The following IGF1R variants were observed in gnomAD, a reference collection of about 807,000 sequenced individuals.
The protein encoded by IGF1R is insulin like growth factor 1 receptor.
Under a neutral mutation model 144.6 loss-of-function variants are expected in IGF1R, and 44 were observed. The observed-to-expected ratio is 0.30, with a 90% CI of 0.24 to 0.39. The LOEUF is 0.39. IGF1R is among the 10% of genes least tolerant of loss of function. IGF1R has a pLI of 1.00. For missense variants in IGF1R, 1,355 were observed against 1,833.7 expected (o/e 0.74, Z 4.77); for synonymous variants, 795 against 722.8 (o/e 1.10, Z -1.60).
chr15:98,860,717 G>GT, intron 2 of IGF1R, among the ~76,000 whole-genome samples: 1 of 152,152 alleles, frequency 6.6e-6, no homozygotes, highest in East Asian at 1.9e-4. Flanking sequence ...TTATGGTTTG[G>GT]TTTTACCATT....
intron 2 of IGF1R, among the ~76,000 whole-genome samples, chr15:98,841,007 G>T (rs936531469): frequency 6.6e-6 from 1 of 151,996 alleles, no homozygotes; most frequent in Non-Finnish European, 1.5e-5. Flanking sequence ...ACTTCCTTTC[G>T]CTTGTAGCCT....
At chr15:98,673,013 T>A (rs8025495) in intron 1 of IGF1R, among the ~76,000 whole-genome samples, 2,579 of 152,172 alleles carry the variant, frequency 0.017, 66 homozygotes, top group African/African-American at 0.057. Flanking sequence ...TACTTTTTTT[T>A]AAAAAAATGA....
intron 2 of IGF1R, among the ~76,000 whole-genome samples, chr15:98,837,449 C>T (rs778986754): frequency 6.6e-6 from 1 of 152,138 alleles, no homozygotes; most frequent in Non-Finnish European, 1.5e-5. Context: ...ACATGTTGGC[C>T]AGGTTGGTCT....
chr15:98,809,787 C>T (rs187953422), intron 2 of IGF1R, among the ~76,000 whole-genome samples: 48 of 152,242 alleles, frequency 3.2e-4, no homozygotes, highest in Admixed American at 1.6e-3. Context: ...GACACAGCTG[C>T]TTTGGAGGAA....
chr15:98,865,940 C>T (rs970923522), intron 2 of IGF1R, among the ~76,000 whole-genome samples: 1 of 152,194 alleles, frequency 6.6e-6, no homozygotes, highest in Non-Finnish European at 1.5e-5. Context: ...GCTCCCACCT[C>T]CCGCTCTGGG....
chr15:98,798,955 A>G (rs993821215), intron 2 of IGF1R, among the ~76,000 whole-genome samples: 8 of 152,186 alleles, frequency 5.3e-5, no homozygotes, highest in Admixed American at 5.2e-4. Context: ...AAACTGAGGC[A>G]CAGAGAGGTT....
rs1167503156 is a variant in IGF1R, at chr15:98,788,052, C to CTGTGTGTGTGTG, written c.640+79946_640+79947insGTGTGTGTGTGT. ...GGTAGGGATCTCTCTCTCTCTCTCT[C>CTGTGTGTGTGTG]TCTCTCTCTCTGTGTGTGTGTGTGT... On this transcript the variant is annotated intron_variant, in intron 2 of 20. Coordinates refer to ENST00000650285, the MANE Select transcript of IGF1R (RefSeq NM_000875.5). Among the ~76,000 whole-genome samples, 481 of 139,540 alleles carry CTGTGTGTGTGTG rather than the reference C, an allele frequency of 3.4e-3. 5 individuals carry two copies. Among genetic ancestry groups the CTGTGTGTGTGTG allele is most frequent in the African/African-American group, 0.012 (428 of 35,190 alleles). The allele number at this position is 139,540 out of a possible 152,430, so 91.5% of individuals were successfully genotyped here. A position where few individuals can be genotyped will look rare whatever the true frequency, so the allele number is the denominator to read the frequency against.
chr15:98,649,174 C>T lies in IGF1R; in HGVS notation c.-408C>T, dbSNP rs1049015651. ...CGCGGCGGAAGCTCGGGCGTCCGGCCGCCTCCCGCGCGGCCAGGGCCGGGC... is the reference window on the plus strand; with the variant it reads ...CGCGGCGGAAGCTCGGGCGTCCGGCTGCCTCCCGCGCGGCCAGGGCCGGGC... On this transcript the variant is annotated 5_prime_UTR_variant, in exon 1 of 21. Transcript: ENST00000650285. 4.6e-6 allele frequency: 1 copy of T among 219,584 alleles called. No homozygotes were observed. Among genetic ancestry groups the T allele is most frequent in the Non-Finnish European group, 9.1e-6 (1 of 109,470 alleles). 13.6% of individuals were successfully genotyped at this position (219,584 alleles called of 1,614,324 possible).
chr15:98,930,911 T>C (rs1266607481), intron 15 of IGF1R, among the ~76,000 whole-genome samples: 1 of 152,214 alleles, frequency 6.6e-6, no homozygotes, highest in African/African-American at 2.4e-5. Flanking sequence ...TTTTGCTCTT[T>C]CTAGCATTTT....
At chr15:98,811,633 A>G (rs1213354265) in intron 2 of IGF1R, among the ~76,000 whole-genome samples, 1 of 152,012 alleles carries the variant, frequency 6.6e-6, no homozygotes, top group African/African-American at 2.4e-5. Context: ...CATAAGAAAT[A>G]AGTCAACTAT....
chr15:98,812,030 CTTT>C (rs2056601973), intron 2 of IGF1R, among the ~76,000 whole-genome samples: 1 of 152,184 alleles, frequency 6.6e-6, no homozygotes, highest in African/African-American at 2.4e-5. Context: ...ATTTCTAGTT[CTTT>C]TACTTGTTCT....
At chr15:98,745,301 T>C (rs2054837120) in intron 2 of IGF1R, among the ~76,000 whole-genome samples, 1 of 152,264 alleles carries the variant, frequency 6.6e-6, no homozygotes, top group Admixed American at 6.5e-5. Flanking sequence ...AGTTATTCTT[T>C]CCTGGAGGAT....
At chr15:98,756,553 T>C (rs2055161583) in intron 2 of IGF1R, among the ~76,000 whole-genome samples, 1 of 152,106 alleles carries the variant, frequency 6.6e-6, no homozygotes, top group Admixed American at 6.5e-5. Context: ...TTTTCCCCCT[T>C]AATCAAGTTT....
intron 1 of IGF1R, among the ~76,000 whole-genome samples, chr15:98,703,390 C>G (rs577932533): frequency 1.3e-5 from 2 of 152,248 alleles, no homozygotes; most frequent in African/African-American, 4.8e-5. Flanking sequence ...TCTTCTCTTT[C>G]CTGTTTGTGG....
At chr15:98,841,486 G>C (rs2141531872) in intron 2 of IGF1R, among the ~76,000 whole-genome samples, 1 of 152,346 alleles carries the variant, frequency 6.6e-6, no homozygotes, top group African/African-American at 2.4e-5. Flanking sequence ...GAGAGAGTTA[G>C]TTTCCAGCAG....
At chr15:98,853,856 T>TA (rs1329583003) in intron 2 of IGF1R, among the ~76,000 whole-genome samples, 1 of 152,144 alleles carries the variant, frequency 6.6e-6, no homozygotes, top group East Asian at 1.9e-4. Context: ...AATAGAAATG[T>TA]AAGGCGTGGC....
intron 2 of IGF1R, among the ~76,000 whole-genome samples, chr15:98,720,421 A>G (rs1263511497): frequency 6.6e-6 from 1 of 152,234 alleles, no homozygotes; most frequent in African/African-American, 2.4e-5. Flanking sequence ...CGTGGCTTTC[A>G]GTAAACACTA....
intron 1 of IGF1R, among the ~76,000 whole-genome samples, chr15:98,678,017 A>G (rs886718964): frequency 3.9e-5 from 6 of 152,164 alleles, no homozygotes; most frequent in African/African-American, 1.4e-4. Flanking sequence ...TGTGTAAGGC[A>G]TCTTTTGGTT....
At chr15:98,716,814 G>C (rs1432972697) in intron 2 of IGF1R, among the ~76,000 whole-genome samples, 1 of 152,158 alleles carries the variant, frequency 6.6e-6, no homozygotes, top group East Asian at 1.9e-4. Context: ...GACCATCCAG[G>C]TTAGATCACT....
Sources: gnomAD v4.1 joint callset for allele counts (sites outside exome capture counted in the v4.1 genomes callset) on GRCh38, gnomAD v4.1.1 for gene constraint, MANE v1.5 for transcripts, NCBI Gene and HGNC (gene_info 2026-07-23, HGNC 2026-07-21) for gene names.